NXPE2: variants seen among roughly 807,000 people sequenced by gnomAD.
NXPE2 encodes the protein NXPE family member 2.
A neutral mutation model predicts 34.4 loss-of-function variants in NXPE2; 34 were observed. That is an observed-to-expected ratio of 0.99 (90% CI 0.75 to 1.31). NXPE2 has a LOEUF of 1.31. Ranked by LOEUF, NXPE2 falls within the 40% of genes most tolerant of loss-of-function variation. The pLI, the probability that NXPE2 is intolerant of heterozygous loss-of-function variation, is 0.00. For synonymous variants in NXPE2, 235 were observed against 231.3 expected (o/e 1.02, Z -0.15); for missense variants, 649 against 672.5 (o/e 0.97, Z 0.39).
the NXPE2 span, among the ~76,000 whole-genome samples, chr11:114,541,399 AAAGAT>A: frequency 6.6e-6 from 1 of 152,222 alleles, no homozygotes; most frequent in Non-Finnish European, 1.5e-5. Flanking sequence ...TAATGAATGG[AAAGAT>A]AAGAAATCTC....
chr11:114,719,988 G>A, the NXPE2 span, among the ~76,000 whole-genome samples: 1 of 152,218 alleles, frequency 6.6e-6, no homozygotes, highest in East Asian at 1.9e-4. Context: ...CATGGACAGT[G>A]TTTGCTGCAC....
At chr11:114,640,197 ATATAT>A in the NXPE2 span, among the ~76,000 whole-genome samples, 7,111 of 136,822 alleles carry the variant, frequency 0.052, 489 homozygotes, top group East Asian at 0.33. Context: ...TATAATTTAT[ATATAT>A]TATATTTTAA....
At chr11:114,729,564 C>T in the NXPE2 span, among the ~76,000 whole-genome samples, 6 of 152,226 alleles carry the variant, frequency 3.9e-5, no homozygotes, top group African/African-American at 1.4e-4. Context: ...ACAGCCTTGC[C>T]AGCATCGGTT....
chr11:114,573,845 C>A, the NXPE2 span, among the ~76,000 whole-genome samples: 28 of 152,088 alleles, frequency 1.8e-4, no homozygotes, highest in South Asian at 2.7e-3. Context: ...TTAAACTATA[C>A]CCTAAAACAA....
chr11:114,691,671 G>T (rs1951153027), intron 2 of NXPE2, among the ~76,000 whole-genome samples: 2 of 152,210 alleles, frequency 1.3e-5, no homozygotes, highest in South Asian at 4.1e-4. Context: ...GGGGGTGAGA[G>T]ATGACCTCCT....
chr11:114,747,501 A>G, the NXPE2 span, among the ~76,000 whole-genome samples: 2 of 152,202 alleles, frequency 1.3e-5, no homozygotes, highest in South Asian at 4.1e-4. Context: ...TGTAATTTAT[A>G]AAGAAAAGAG....
chr11:114,759,272 C>T, the NXPE2 span, among the ~76,000 whole-genome samples: 2 of 152,212 alleles, frequency 1.3e-5, no homozygotes, highest in Admixed American at 1.3e-4. Flanking sequence ...GCACAGACTT[C>T]AGACCCAGGC....
chr11:114,545,106 T>C, the NXPE2 span, among the ~76,000 whole-genome samples: 1 of 152,204 alleles, frequency 6.6e-6, no homozygotes, highest in African/African-American at 2.4e-5. Flanking sequence ...TTCTCACTCA[T>C]TGCTGGTGGG....
the NXPE2 span, among the ~76,000 whole-genome samples, chr11:114,540,119 C>T: frequency 6.6e-6 from 1 of 152,190 alleles, no homozygotes; most frequent in Non-Finnish European, 1.5e-5. Context: ...TCATGCCTGA[C>T]TAATTTTTTC....
the NXPE2 span, among the ~76,000 whole-genome samples, chr11:114,612,793 T>G: frequency 1.3e-5 from 2 of 151,966 alleles, no homozygotes; most frequent in African/African-American, 4.8e-5. Flanking sequence ...TGGTGGATAA[T>G]AAGTGTTGCC....
the NXPE2 span, among the ~76,000 whole-genome samples, chr11:114,490,076 A>T: frequency 1.8e-3 from 269 of 152,310 alleles, 4 homozygotes; most frequent in South Asian, 5.6e-3. Flanking sequence ...ACAAACAGAG[A>T]GCCAAATCAT....
At chr11:114,605,957 G>A in the NXPE2 span, among the ~76,000 whole-genome samples, 1 of 151,946 alleles carries the variant, frequency 6.6e-6, no homozygotes, top group African/African-American at 2.4e-5. Context: ...TGGATAATAA[G>A]TGTTGCCTCG....
the NXPE2 span, chr11:114,583,768 T>G: frequency 2.1e-6 from 1 of 468,206 alleles, no homozygotes; most frequent in East Asian, 5.2e-5. Context: ...GGGTGTTGTA[T>G]GTTGACGTTG....
chr11:114,692,660 CTCAG>C (rs1257268121), intron 2 of NXPE2, among the ~76,000 whole-genome samples: 3 of 152,204 alleles, frequency 2.0e-5, no homozygotes, highest in Admixed American at 2.0e-4. Flanking sequence ...GCCTCTCACG[CTCAG>C]TCAGTTCCTA....
At chr11:114,553,811 A>C in the NXPE2 span, 1 of 973,180 alleles carries the variant, frequency 1.0e-6, no homozygotes, top group South Asian at 4.8e-5. Context: ...AAGCCTATTC[A>C]TGCACATTTC....
At chr11:114,466,767 A>G in the NXPE2 span, among the ~76,000 whole-genome samples, 3 of 152,072 alleles carry the variant, frequency 2.0e-5, no homozygotes, top group South Asian at 4.2e-4. Context: ...TTTTTTACCT[A>G]TCGTCTTTTC....
At chr11:114,500,482 T>C in the NXPE2 span, among the ~76,000 whole-genome samples, 3 of 152,236 alleles carry the variant, frequency 2.0e-5, no homozygotes, top group East Asian at 5.8e-4. Context: ...GTTTTCTTTG[T>C]TATTTGAGTT....
At chr11:114,595,817 G>C in the NXPE2 span, 4 of 152,242 alleles carry the variant, frequency 2.6e-5, no homozygotes, top group Non-Finnish European at 5.9e-5. Flanking sequence ...CTTAAGGAGG[G>C]GCCTGGATCA....
the NXPE2 span, among the ~76,000 whole-genome samples, chr11:114,524,449 G>A: frequency 6.6e-6 from 1 of 152,216 alleles, no homozygotes; most frequent in Non-Finnish European, 1.5e-5. Flanking sequence ...GGACAAAGTG[G>A]TAAAATGGTG....
Sources: allele counts gnomAD v4.1 joint callset (sites outside exome capture counted in the v4.1 genomes callset), GRCh38; gene constraint gnomAD v4.1.1; transcripts MANE v1.5; gene names NCBI Gene and HGNC (gene_info 2026-07-23, HGNC 2026-07-21).